The following DNAJC13 variants were observed in gnomAD, a reference collection of about 807,000 sequenced individuals.
The protein encoded by DNAJC13 is DnaJ heat shock protein family (Hsp40) member C13.
In DNAJC13, 75 loss-of-function variants were observed where a neutral mutation model predicts 290.5. The ratio of observed to expected loss-of-function variants is 0.26; its 90% CI spans 0.21 to 0.31. The LOEUF (loss-of-function observed/expected upper bound fraction) is 0.31, where lower values mean the gene tolerates loss of function less well. Ranked by LOEUF, DNAJC13 falls within the 10% of genes least tolerant of loss-of-function variation. DNAJC13 has a pLI of 1.00. For synonymous variants in DNAJC13, 862 were observed against 892.0 expected (o/e 0.97, Z 0.60); for missense variants, 2,260 against 2,674.5 (o/e 0.85, Z 3.42).
At chr3:132,501,188 T>TTAAAAG (rs1935397703) in intron 39 of DNAJC13, among the ~76,000 whole-genome samples, 1 of 152,066 alleles carries the variant, frequency 6.6e-6, no homozygotes, top group Non-Finnish European at 1.5e-5. Flanking sequence ...GAGAAGCCTG[T>TTAAAAG]AATAAATAAG....
At chr3:132,447,529 G>C (rs1933289407) in intron 4 of DNAJC13, 59 bp downstream of exon 4, 2 of 1,424,822 alleles carry the variant, frequency 1.4e-6, no homozygotes, top group Non-Finnish European at 1.8e-6. Flanking sequence ...AAATGAAGTA[G>C]TTACATAGAA....
At chr3:132,473,372 T>C in intron 21 of DNAJC13, 145 bp downstream of exon 21, 1 of 596,254 alleles carries the variant, frequency 1.7e-6, no homozygotes, top group South Asian at 2.3e-5. Context: ...ACTGTTAAGA[T>C]TGGGGTGACT....
At chr3:132,454,583 G>A (rs756031944) in intron 9 of DNAJC13, among the ~76,000 whole-genome samples, 6 of 151,624 alleles carry the variant, frequency 4.0e-5, no homozygotes, top group Non-Finnish European at 7.4e-5. Context: ...CAAGTGATCC[G>A]CCTGCCTTGA....
rs750071701 is a variant in DNAJC13 at position 132,492,462 on chromosome 3, T to G, written c.3672T>G (p.Pro1224=). The G allele has an allele frequency of 4.3e-6, 7 of 1,613,742 alleles. No individual in the cohort carries two copies. In the East Asian group the frequency reaches 1.3e-4, roughly 31 times the overall value. ...CTGCCCATCTCGCGGATTTCACACC[T>G]CGTCTTCAGAGTAACACAAGAGCAC... The part of the protein sequence containing the change: ...KIAAHLADFT[P]RLQSNTRALY... Residue 1224 remains proline, a synonymous_variant, in exon 33 of 56, where the codon CCT becomes CCG. Coordinates refer to ENST00000260818, the MANE Select transcript of DNAJC13 (RefSeq NM_015268.4).
intron 20 of DNAJC13, chr3:132,472,638 A>G (rs1576482124): frequency 1.0e-6 from 1 of 959,364 alleles, no homozygotes. Flanking sequence ...GTCATCTTTG[A>G]TATTCTCTGT....
At chr3:132,442,088 AC>A (rs1224328551) in intron 2 of DNAJC13, among the ~76,000 whole-genome samples, 1 of 151,564 alleles carries the variant, frequency 6.6e-6, no homozygotes, top group Non-Finnish European at 1.5e-5. Context: ...GCTATAAAAT[AC>A]CATATGTAAA....
intron 9 of DNAJC13, 100 bp from the exon 10 acceptor site, chr3:132,456,135 C>T (rs1396927948): frequency 9.5e-7 from 1 of 1,052,086 alleles, no homozygotes; most frequent in East Asian, 2.4e-5. Flanking sequence ...TAGTGTGTCC[C>T]TGAGCAGATT....
chr3:132,442,902 G>C (rs376454258), intron 2 of DNAJC13, among the ~76,000 whole-genome samples: 5 of 152,176 alleles, frequency 3.3e-5, no homozygotes, highest in Non-Finnish European at 7.3e-5. Flanking sequence ...TTAAAAATTG[G>C]TGTAAAATTA....
chr3:132,490,590 T>TG (rs1935031642), intron 31 of DNAJC13, among the ~76,000 whole-genome samples: 2 of 152,204 alleles, frequency 1.3e-5, no homozygotes, highest in African/African-American at 4.8e-5. Flanking sequence ...TGTTATCCAT[T>TG]ACTGTTACAC....
At chr3:132,479,917 G>A (rs1165771365) in intron 25 of DNAJC13, among the ~76,000 whole-genome samples, 1 of 151,932 alleles carries the variant, frequency 6.6e-6, no homozygotes, top group Admixed American at 6.6e-5. Flanking sequence ...GTAATTATAA[G>A]TACAAAGAAA....
chr3:132,469,409 T>G (rs1291418363), intron 20 of DNAJC13, among the ~76,000 whole-genome samples: 2 of 152,248 alleles, frequency 1.3e-5, no homozygotes, highest in Non-Finnish European at 2.9e-5. Flanking sequence ...AACCTTTGGC[T>G]AATGTATAAG....
At chr3:132,495,471 G>C (rs1318817866) in intron 35 of DNAJC13, among the ~76,000 whole-genome samples, 2 of 152,236 alleles carry the variant, frequency 1.3e-5, no homozygotes, top group Non-Finnish European at 2.9e-5. Context: ...ATTCAGGGGA[G>C]CTTAATTCAT....
intron 39 of DNAJC13, 26 bp from the exon 40 acceptor site, chr3:132,502,257 AACAACT>A: frequency 6.7e-7 from 1 of 1,498,934 alleles, no homozygotes; most frequent in Non-Finnish European, 8.9e-7. Flanking sequence ...TTAACTCTGT[AACAACT>A]AATGCTCTCA....
At position 132,466,034 on chromosome 3, in the gene DNAJC13, T is replaced by C. The variant is rs1444440150; in HGVS notation, c.1932T>C (p.Asp644=). The C allele has an allele frequency of 6.2e-7, 1 of 1,613,970 alleles. No individual in the cohort carries two copies. The highest frequency in any genetic ancestry group is 1.3e-5 in the African/African-American group (1 of 74,934). The change falls in exon 18 of 56, where the codon GAT becomes GAC. Residue 644 remains aspartate (D), a synonymous_variant. Coordinates refer to ENST00000260818, the MANE Select transcript of DNAJC13 (RefSeq NM_015268.4). ...SRHLVGLWTA[D]NATATNLLKR... ...ATTTAGTGGGACTCTGGACAGCTGA[T>C]AATGCAACTGCAACAAACTTGTTGA... is the stretch of plus-strand genomic sequence containing the variant.
intron 54 of DNAJC13, among the ~76,000 whole-genome samples, chr3:132,529,583 C>T (rs541750074): frequency 6.6e-6 from 1 of 152,194 alleles, no homozygotes; most frequent in South Asian, 2.1e-4. Flanking sequence ...GTCAGGAGAT[C>T]AAGACCATCT....
rs749004074 is a variant in DNAJC13, at chr3:132,522,821, C to T, written c.5674-7C>T. On this transcript the variant is annotated splice_region_variant and splice_polypyrimidine_tract_variant and intron_variant, in intron 48 of 55. Coordinates refer to ENST00000260818, the MANE Select transcript of DNAJC13 (RefSeq NM_015268.4). ...TGTCTTTTTCATTCTCAAACTTCCT[C>T]GTATAGGTTCGAATTACGTTAATGA... 45 of 1,592,010 alleles carry T rather than the reference C, an allele frequency of 2.8e-5. No homozygotes were observed. The highest frequency in any genetic ancestry group is 9.2e-5 in the Admixed American group (5 of 54,228).
At chr3:132,500,192 C>T (rs1480977250) in intron 38 of DNAJC13, among the ~76,000 whole-genome samples, 1 of 152,210 alleles carries the variant, frequency 6.6e-6, no homozygotes, top group Non-Finnish European at 1.5e-5. Context: ...ATTGGCTTAA[C>T]ATTTAAGGTT....
chr3:132,500,813 A>G lies in DNAJC13; in HGVS notation c.4436A>G (p.Lys1479Arg). The G allele has an allele frequency of 6.2e-7, 1 of 1,614,006 alleles. No homozygotes were observed. Among genetic ancestry groups the G allele is most frequent in the East Asian group, 2.2e-5 (1 of 44,870 alleles). The change falls in exon 39 of 56, where the codon AAA becomes AGA. Residue 1479 changes from lysine to arginine, a missense_variant. By Grantham distance (26) the Lys-to-Arg change is conservative. Transcript: ENST00000260818. The part of the protein sequence containing the change: ...MSVQVCGYIS[K>R]CYSVAAQFEE... ...CTGCAGGTGTGTGGATACATAAGTA[A>G]ATGCTACAGTGTGGCTGCTCAGTTT...
chr3:132,502,503 C>T (rs1935450813), intron 40 of DNAJC13, 35 bp downstream of exon 40: 2 of 1,548,084 alleles, frequency 1.3e-6, no homozygotes, highest in Middle Eastern at 1.8e-4. Flanking sequence ...TGAATTTGAA[C>T]CCAAACCTTA....
Sources: allele counts gnomAD v4.1 joint callset (sites outside exome capture counted in the v4.1 genomes callset), GRCh38; gene constraint gnomAD v4.1.1; transcripts MANE v1.5; gene names NCBI Gene and HGNC (gene_info 2026-07-23, HGNC 2026-07-21).